The following ZNF76 variants were observed in gnomAD, a reference collection of about 807,000 sequenced individuals.
The protein encoded by ZNF76 is zinc finger protein 523.
A neutral mutation model predicts 66.9 loss-of-function variants in ZNF76; 66 were observed. That is an observed-to-expected ratio of 0.99 (90% CI 0.81 to 1.21). ZNF76 has a LOEUF of 1.21. Among genes scored for constraint, ZNF76 ranks in the 50% most tolerant of loss-of-function variants. The pLI, the probability that ZNF76 is intolerant of heterozygous loss-of-function variation, is 0.00. For synonymous variants in ZNF76, 275 were observed against 296.1 expected (o/e 0.93, Z 0.73); for missense variants, 729 against 760.3 (o/e 0.96, Z 0.48).
chr6:35,285,194 T>G lies in ZNF76; in HGVS notation c.74-934T>G, dbSNP rs529075095. Among the ~76,000 whole-genome samples, 28 of 152,344 alleles carry G rather than the reference T, an allele frequency of 1.8e-4. No homozygotes were observed. The South Asian group carries it at 4.8e-3, about 26-fold the overall frequency. On this transcript the variant is annotated intron_variant, in intron 2 of 13. Coordinates refer to ENST00000373953, the MANE Select transcript of ZNF76 (RefSeq NM_003427.5). The stretch of plus-strand genomic sequence containing the variant: ...AGGAAATCTGGAGGCTTGTTAATTT[T>G]TATGCTGCTTGTTGTGTTGCCTTAG...
At chr6:35,282,826 T>C (rs976460177) in intron 2 of ZNF76, among the ~76,000 whole-genome samples, 3 of 152,224 alleles carry the variant, frequency 2.0e-5, no homozygotes, top group Non-Finnish European at 2.9e-5. Flanking sequence ...GTAAGCACTT[T>C]CCATATGACA....
chr6:35,260,678 C>A (rs1434779618), intron 1 of ZNF76, among the ~76,000 whole-genome samples: 2 of 152,184 alleles, frequency 1.3e-5, no homozygotes, highest in African/African-American at 4.8e-5. Flanking sequence ...CACTGCTGTG[C>A]TTTAGGGACC....
intron 13 of ZNF76, 149 bp downstream of exon 13, chr6:35,294,718 T>A: frequency 2.8e-6 from 2 of 704,010 alleles, no homozygotes; most frequent in Non-Finnish European, 5.1e-6. Flanking sequence ...CCTGCATCCA[T>A]GCATCTGTCT....
At chr6:35,277,120 T>A (rs1455882682) in intron 1 of ZNF76, among the ~76,000 whole-genome samples, 1 of 152,066 alleles carries the variant, frequency 6.6e-6, no homozygotes, top group Non-Finnish European at 1.5e-5. Flanking sequence ...TAGACCTGGT[T>A]TCTCTTATGT....
intron 5 of ZNF76, chr6:35,288,457 A>C (rs1789915524): frequency 3.1e-6 from 1 of 324,582 alleles, no homozygotes; most frequent in East Asian, 8.4e-5. Context: ...GCATGTGGGG[A>C]AAAGGGTACA....
At chr6:35,284,330 G>C (rs1055431863) in intron 2 of ZNF76, among the ~76,000 whole-genome samples, 1 of 152,054 alleles carries the variant, frequency 6.6e-6, no homozygotes, top group Non-Finnish European at 1.5e-5. Flanking sequence ...CCGACCTCAG[G>C]TTATCCGCCT....
intron 2 of ZNF76, among the ~76,000 whole-genome samples, chr6:35,284,949 G>A (rs1789327508): frequency 6.6e-6 from 1 of 152,094 alleles, no homozygotes; most frequent in Non-Finnish European, 1.5e-5. Context: ...GAGCTCAAGC[G>A]ATCCACCCGC....
chr6:35,266,319 A>G (rs920751617), intron 1 of ZNF76, among the ~76,000 whole-genome samples: 2 of 151,938 alleles, frequency 1.3e-5, no homozygotes, highest in Non-Finnish European at 2.9e-5. Context: ...CACCCGGCTA[A>G]TTTTTGTATT....
At chr6:35,270,739 A>G (rs904907144) in intron 1 of ZNF76, among the ~76,000 whole-genome samples, 4 of 151,818 alleles carry the variant, frequency 2.6e-5, no homozygotes, top group African/African-American at 9.7e-5. Flanking sequence ...TTGTATTTTT[A>G]GTAGAGATGG....
chr6:35,293,894 C>G lies in ZNF76; in HGVS notation c.1473C>G (p.Ala491=), dbSNP rs754245520. Residue 491 remains alanine, a synonymous_variant, in exon 12 of 14, where the codon GCC becomes GCG. Coordinates refer to ENST00000373953, the MANE Select transcript of ZNF76 (RefSeq NM_003427.5). ...CACATACAGTCACCATGGTCAGCGC[C>G]GATGGCACCCAGACGCAGCCCGTAT... The part of the protein sequence containing the change: ...SGTHTVTMVS[A]DGTQTQPVTI... 1.9e-6 allele frequency: 3 copies of G among 1,613,988 alleles called. No homozygotes were observed. The East Asian group carries it at 6.7e-5, about 36-fold the overall frequency.
At chr6:35,285,397 A>G (rs1789416525) in intron 2 of ZNF76, among the ~76,000 whole-genome samples, 5 of 152,226 alleles carry the variant, frequency 3.3e-5, no homozygotes, top group Admixed American at 2.6e-4. Context: ...TTGGGCTTAT[A>G]ATAAAAGCTA....
chr6:35,290,833 A>G (rs772911200), intron 7 of ZNF76, 117 bp downstream of exon 7: 67 of 972,380 alleles, frequency 6.9e-5, no homozygotes, highest in Non-Finnish European at 1.0e-4. Context: ...CCGTCAGAGT[A>G]CTCTGACTTG....
chr6:35,295,463 C>T lies in ZNF76; in HGVS notation c.*215C>T. The T allele has an allele frequency of 5.2e-6, 3 of 579,160 alleles. No individual in the cohort carries two copies. The highest frequency in any genetic ancestry group is 1.8e-5 in the South Asian group (1 of 55,232). The allele number at this position is 579,160 out of a possible 1,614,324, so 35.9% of individuals were successfully genotyped here. A position where few individuals can be genotyped will look rare whatever the true frequency, so the allele number is the denominator to read the frequency against. On this transcript the variant is annotated 3_prime_UTR_variant, in exon 14 of 14. Transcript: ENST00000373953. ...TGGAATCAGGGGAGTGCATCATCCTCGGGAGCTGACAACAGCCAGGCTACA... is the reference window on the plus strand; with the variant it reads ...TGGAATCAGGGGAGTGCATCATCCTTGGGAGCTGACAACAGCCAGGCTACA...
At chr6:35,288,725 G>C (rs1157211379) in intron 5 of ZNF76, among the ~76,000 whole-genome samples, 3 of 152,350 alleles carry the variant, frequency 2.0e-5, no homozygotes, top group Non-Finnish European at 1.5e-5. Context: ...GGGAGGCTGA[G>C]GCAGGTGGAT....
At chr6:35,274,893 G>A (rs758658716) in intron 1 of ZNF76, among the ~76,000 whole-genome samples, 4 of 152,134 alleles carry the variant, frequency 2.6e-5, no homozygotes, top group Non-Finnish European at 4.4e-5. Flanking sequence ...AGTGGCTCAC[G>A]CCTGTAATCC....
In ZNF76 at chr6:35,292,170, G is replaced by A. The variant is rs1790490343; in HGVS notation, c.932-384G>A. On this transcript the variant is annotated intron_variant, in intron 9 of 13. Transcript: ENST00000373953. This position sits in a 1 kb window ranked among gnomAD's most constrained non-coding sequence, Gnocchi z 4.7. ...CCCCTCATCCAGCTTTCTGTGTTGT[G>A]TCTCAGCATGTGTGTCCCCTCTTTC... is the stretch of plus-strand genomic sequence containing the variant. The A allele has an allele frequency of 2.5e-6, 1 of 402,970 alleles. No homozygotes were observed. Among genetic ancestry groups the A allele is most frequent in the South Asian group, 2.5e-5 (1 of 39,704 alleles). The allele number at this position is 402,970 out of a possible 1,614,324, so 25.0% of individuals were successfully genotyped here.
rs1787488671 is a variant in ZNF76 at position 35,273,742 on chromosome 6, A to T, written c.-96-7314A>T. ...TCTCACAAAAAAAAAAAAAAAAGAAATGGGGGTCTCACTATGTTGCCCAGG... is the reference window on the plus strand; with the variant it reads ...TCTCACAAAAAAAAAAAAAAAAGAATTGGGGGTCTCACTATGTTGCCCAGG... On this transcript the variant is annotated intron_variant, in intron 1 of 13. Transcript: ENST00000373953. Among the ~76,000 whole-genome samples the T allele has an allele frequency of 2.6e-5, 4 of 151,410 alleles. No homozygotes were observed. In the South Asian group the frequency reaches 8.4e-4, roughly 32 times the overall value.
intron 1 of ZNF76, among the ~76,000 whole-genome samples, chr6:35,265,651 A>G (rs1345435218): frequency 6.6e-6 from 1 of 152,226 alleles, no homozygotes; most frequent in Non-Finnish European, 1.5e-5. Flanking sequence ...TAAGTCAAGC[A>G]TACATCTAGG....
chr6:35,276,314 G>T (rs1035292998), intron 1 of ZNF76, among the ~76,000 whole-genome samples: 1 of 152,214 alleles, frequency 6.6e-6, no homozygotes, highest in African/African-American at 2.4e-5. Flanking sequence ...AGCCAATTCT[G>T]TAGACTTCTA....
Sources: allele counts gnomAD v4.1 joint callset (sites outside exome capture counted in the v4.1 genomes callset), GRCh38; gene constraint gnomAD v4.1.1; non-coding constraint Gnocchi (gnomAD v3.1); transcripts MANE v1.5; gene names NCBI Gene and HGNC (gene_info 2026-07-23, HGNC 2026-07-21).